Variants in RGS7 observed in about 807,000 individuals in gnomAD.
RGS7 encodes the protein regulator of G protein signaling 7.
In RGS7, 27 loss-of-function variants were observed where a neutral mutation model predicts 81.1. The observed-to-expected ratio is 0.33, with a 90% CI of 0.25 to 0.46. RGS7 has a LOEUF of 0.46. Among genes scored for constraint, RGS7 ranks in the 20% least tolerant of loss-of-function variants. The pLI is 1.00. For synonymous variants in RGS7, 208 were observed against 207.7 expected, an observed-to-expected ratio of 1.00 and a Z score of -0.01; for missense variants, 396 against 607.4, an observed-to-expected ratio of 0.65 and a Z score of 3.66.
chr1:241,125,305 AT>A (rs2103014093), intron 2 of RGS7, among the ~76,000 whole-genome samples: 1 of 152,292 alleles, frequency 6.6e-6, no homozygotes, highest in East Asian at 1.9e-4. Context: ...CCTAGAATTC[AT>A]GTAATATTTA....
At chr1:240,844,157 A>G (rs1658632103) in intron 9 of RGS7, among the ~76,000 whole-genome samples, 2 of 152,162 alleles carry the variant, frequency 1.3e-5, no homozygotes, top group Non-Finnish European at 2.9e-5. Flanking sequence ...TATTGTTAAC[A>G]TTTGGCCCCA....
chr1:241,095,185 T>C (rs1329775553), intron 3 of RGS7, among the ~76,000 whole-genome samples: 1 of 152,204 alleles, frequency 6.6e-6, no homozygotes, highest in Admixed American at 6.5e-5. Flanking sequence ...TCCCCGGAGC[T>C]GCCCAGCTTC....
intron 15 of RGS7, among the ~76,000 whole-genome samples, chr1:240,804,148 T>C (rs1287687185): frequency 1.3e-5 from 2 of 152,174 alleles, no homozygotes; most frequent in East Asian, 1.9e-4. Flanking sequence ...AGGCCAACTT[T>C]TTCATCTCTC....
Position 240,874,859 on chromosome 1 carries a change from G to C in RGS7, c.386-4740C>G, listed in dbSNP as rs578195921. Among the ~76,000 whole-genome samples, 64 of 152,120 alleles carry C rather than the reference G, an allele frequency of 4.2e-4. 1 individual carries two copies. Among genetic ancestry groups the C allele is most frequent in the African/African-American group, 1.1e-3 (46 of 41,514 alleles). ...AGCTCGAGACCAACCTGGCCAATAT[G>C]GTGAAACCCTATCTCTACTAAAAAT... is the stretch of plus-strand genomic sequence containing the variant. On this transcript the variant is annotated intron_variant, in intron 6 of 18. Coordinates refer to ENST00000440928, the MANE Select transcript of RGS7 (RefSeq NM_001364886.1).
At chr1:241,117,377 T>C (rs1266392307) in intron 2 of RGS7, among the ~76,000 whole-genome samples, 1 of 152,212 alleles carries the variant, frequency 6.6e-6, no homozygotes, top group Non-Finnish European at 1.5e-5. Context: ...TCATTCTATA[T>C]GGCAGTTGTT....
At chr1:241,089,047 CTCTCTCTCTCTCTCTCTATATA>C (rs1558700247) in intron 3 of RGS7, among the ~76,000 whole-genome samples, 3 of 52,798 alleles carry the variant, frequency 5.7e-5, no homozygotes, top group African/African-American at 2.9e-4. Context: ...CTCTCTCTCT[CTCTCTCTCTCTCTCTCTATATA>C]TATATATATA....
chr1:241,266,133 G>T (rs775278791), intron 2 of RGS7, among the ~76,000 whole-genome samples: 1 of 152,072 alleles, frequency 6.6e-6, no homozygotes, highest in Non-Finnish European at 1.5e-5. Context: ...TGTTTCCAGA[G>T]GCTGAATAGA....
At chr1:241,074,605 C>G (rs2062684471) in intron 3 of RGS7, among the ~76,000 whole-genome samples, 1 of 152,216 alleles carries the variant, frequency 6.6e-6, no homozygotes, top group African/African-American at 2.4e-5. Context: ...GCTTAGCAAT[C>G]AGTGCAGAAA....
chr1:241,180,047 G>T (rs1177421775), intron 2 of RGS7, among the ~76,000 whole-genome samples: 2 of 152,136 alleles, frequency 1.3e-5, no homozygotes, highest in Non-Finnish European at 2.9e-5. Context: ...CCAGGTATGA[G>T]ATGGATATGA....
At chr1:240,830,156 G>A (rs1693587877) in intron 9 of RGS7, among the ~76,000 whole-genome samples, 1 of 152,204 alleles carries the variant, frequency 6.6e-6, no homozygotes. Flanking sequence ...TAGCAAGAAA[G>A]ATGAGCTTAA....
intron 9 of RGS7, among the ~76,000 whole-genome samples, chr1:240,847,744 G>A (rs785975): frequency 0.8 from 121,703 of 152,094 alleles, 49,084 homozygotes; most frequent in African/African-American, 0.89. Flanking sequence ...TTTATAGTCA[G>A]GTTTTTATTA....
At chr1:241,044,241 T>C (rs2060790079) in intron 3 of RGS7, among the ~76,000 whole-genome samples, 1 of 151,390 alleles carries the variant, frequency 6.6e-6, no homozygotes, top group African/African-American at 2.4e-5. Context: ...GCCTCCCAAA[T>C]AGCTGGGATT....
intron 4 of RGS7, among the ~76,000 whole-genome samples, chr1:240,982,223 C>T (rs1446426463): frequency 1.3e-5 from 2 of 151,968 alleles, no homozygotes; most frequent in East Asian, 1.9e-4. Context: ...AGTTCGAGAC[C>T]AGCCTGGCCA....
intron 2 of RGS7, among the ~76,000 whole-genome samples, chr1:241,238,780 A>C (rs1480456328): frequency 6.6e-6 from 1 of 152,164 alleles, no homozygotes. Flanking sequence ...AAAAATAAAA[A>C]GATAATTAAG....
intron 2 of RGS7, among the ~76,000 whole-genome samples, chr1:241,204,109 A>G (rs1287190681): frequency 1.3e-5 from 2 of 152,246 alleles, no homozygotes; most frequent in South Asian, 2.1e-4. Flanking sequence ...AGGAAACTTT[A>G]GAAAGAATGA....
rs1231421646 is a variant in RGS7 at position 241,163,690 on chromosome 1, C to T, written c.79-64928G>A. 6.6e-6 allele frequency among the ~76,000 whole-genome samples: 1 copy of T among 152,220 alleles called. No individual in the cohort carries two copies. The highest frequency in any genetic ancestry group is 1.5e-5 in the Non-Finnish European group (1 of 68,032). On this transcript the variant is annotated intron_variant, in intron 2 of 18. Coordinates refer to ENST00000440928, the MANE Select transcript of RGS7 (RefSeq NM_001364886.1). The surrounding 1 kb of genome is among the most constrained non-coding windows in gnomAD (Gnocchi z 4.6). ...TTTTGCCACAATCCAAGCCCCCATTCTTTCTGCAACCTCAAGATGGTACAT... is the reference window on the plus strand; with the variant it reads ...TTTTGCCACAATCCAAGCCCCCATTTTTTCTGCAACCTCAAGATGGTACAT...
intron 9 of RGS7, among the ~76,000 whole-genome samples, chr1:240,845,225 C>A (rs565743546): frequency 3.3e-5 from 5 of 152,308 alleles, no homozygotes; most frequent in Admixed American, 1.3e-4. Context: ...TTACTTGACA[C>A]AATCCATGCT....
chr1:241,272,709 T>A (rs924791862), intron 2 of RGS7, among the ~76,000 whole-genome samples: 2 of 152,214 alleles, frequency 1.3e-5, no homozygotes, highest in African/African-American at 2.4e-5. Context: ...TAATTTGATA[T>A]TATCCACAGG....
chr1:241,185,602 CTT>C (rs1558166459), intron 2 of RGS7, among the ~76,000 whole-genome samples: 1 of 152,006 alleles, frequency 6.6e-6, no homozygotes, highest in Non-Finnish European at 1.5e-5. Context: ...ATAAAACAAA[CTT>C]TAACAAATCA....
Sources: allele counts gnomAD v4.1 joint callset (sites outside exome capture counted in the v4.1 genomes callset), GRCh38; gene constraint gnomAD v4.1.1; non-coding constraint Gnocchi (gnomAD v3.1); transcripts MANE v1.5; gene names NCBI Gene and HGNC (gene_info 2026-07-23, HGNC 2026-07-21).